Variants in WNK2 observed in about 807,000 individuals in gnomAD.
WNK2 encodes the protein WNK lysine deficient protein kinase 2.
WNK2 carries 67 observed loss-of-function variants against 192.1 expected under a neutral mutation model. The ratio of observed to expected loss-of-function variants is 0.35; its 90% CI spans 0.29 to 0.43. The LOEUF (loss-of-function observed/expected upper bound fraction) is 0.43. Among genes scored for constraint, WNK2 ranks in the 20% least tolerant of loss-of-function variants. The pLI, the probability that WNK2 is intolerant of heterozygous loss-of-function variation, is 1.00. For synonymous variants in WNK2, 1,439 were observed against 1,393.9 expected (o/e 1.03, Z -0.72); for missense variants, 2,698 against 3,089.7 (o/e 0.87, Z 3.01).
chr9:93,299,995 G>A (rs1388151058), intron 25 of WNK2, 56 bp from the exon 26 acceptor site: 3 of 1,477,754 alleles, frequency 2.0e-6, no homozygotes, highest in Non-Finnish European at 1.9e-6. Context: ...AGGAATCGCA[G>A]CAACCTGTAC....
At chr9:93,319,510 G>A in intron 29 of WNK2, 2 of 687,462 alleles carry the variant, frequency 2.9e-6, no homozygotes, top group Non-Finnish European at 3.6e-6. Flanking sequence ...CTCTGCACCT[G>A]ATTACACTTA....
At chr9:93,199,820 A>T (rs1831988892) in intron 2 of WNK2, among the ~76,000 whole-genome samples, 2 of 146,918 alleles carry the variant, frequency 1.4e-5, no homozygotes, top group South Asian at 4.3e-4. Flanking sequence ...AATGGCGTGA[A>T]CCTGGGAGGC....
At chr9:93,250,404 C>G (rs2132578467) in intron 8 of WNK2, among the ~76,000 whole-genome samples, 1 of 152,242 alleles carries the variant, frequency 6.6e-6, no homozygotes, top group East Asian at 1.9e-4. Context: ...CACATGCACA[C>G]TGACATCCAC....
At chr9:93,234,709 A>T in intron 4 of WNK2, 99 bp from the exon 5 acceptor site, 1 of 1,391,330 alleles carries the variant, frequency 7.2e-7, no homozygotes, top group Non-Finnish European at 9.8e-7. Context: ...TGTGGAGGGG[A>T]CATGGGGTTC....
At chr9:93,233,380 A>G (rs768900050) in intron 4 of WNK2, among the ~76,000 whole-genome samples, 2 of 151,976 alleles carry the variant, frequency 1.3e-5, no homozygotes, top group Non-Finnish European at 2.9e-5. Flanking sequence ...TCTTGTCCCA[A>G]TTTTTATCCA....
At chr9:93,207,451 C>T (rs1467016593) in intron 2 of WNK2, among the ~76,000 whole-genome samples, 1 of 152,214 alleles carries the variant, frequency 6.6e-6, no homozygotes, top group Non-Finnish European at 1.5e-5. Context: ...GGTCAGCATG[C>T]AGTAGGTGTC....
At chr9:93,209,003 CATT>C (rs1833990653) in intron 2 of WNK2, among the ~76,000 whole-genome samples, 1 of 152,134 alleles carries the variant, frequency 6.6e-6, no homozygotes, top group South Asian at 2.1e-4. Context: ...AGAGCAGCCT[CATT>C]GTTGAGATTT....
At chr9:93,227,088 C>T (rs959948971) in intron 2 of WNK2, among the ~76,000 whole-genome samples, 1 of 151,614 alleles carries the variant, frequency 6.6e-6, no homozygotes, top group African/African-American at 2.4e-5. Flanking sequence ...CCACTGTTCC[C>T]CAGCCTCCCA....
intron 2 of WNK2, among the ~76,000 whole-genome samples, chr9:93,202,322 GCAC>G (rs1832529406): frequency 6.9e-6 from 1 of 145,562 alleles, no homozygotes; most frequent in African/African-American, 2.6e-5. Context: ...GGCTCCGTGT[GCAC>G]GTGTGTGTGT....
chr9:93,261,079 T>C (rs1844152113), intron 12 of WNK2, among the ~76,000 whole-genome samples: 1 of 152,088 alleles, frequency 6.6e-6, no homozygotes, highest in South Asian at 2.1e-4. Flanking sequence ...AGCTGGGGTG[T>C]CTTGTCTGTC....
Position 93,299,251 on chromosome 9 carries a change from G to A in WNK2, c.6105G>A (p.Ala2035=), listed in dbSNP as rs374801876. ...CSGLASDGGG[A]RGQGWTVYHP... The stretch of plus-strand genomic sequence containing the variant: ...GCTTAGCCAGTGATGGAGGCGGAGC[G>A]CGTGGCCAAGGTGATTTCCAGCTTG... Residue 2035 remains alanine (A), a synonymous_variant, in exon 25 of 30, where the codon GCG becomes GCA. Transcript: ENST00000427277. 1.2e-5 allele frequency: 19 copies of A among 1,566,824 alleles called. No homozygotes were observed. The highest frequency in any genetic ancestry group is 5.3e-5 in the Admixed American group (3 of 56,352).
chr9:93,190,449 G>A (rs1398802359), intron 2 of WNK2, among the ~76,000 whole-genome samples: 2 of 152,364 alleles, frequency 1.3e-5, no homozygotes, highest in Non-Finnish European at 2.9e-5. Context: ...CATGGGACTC[G>A]AGCGTACCTG....
rs1848968880 is a variant in WNK2 at position 93,289,431 on chromosome 9, G to T, written c.4677G>T (p.Leu1559=). ...IKSLDEKLRT[L]LYQEHVPTSS... ...GCCTGGACGAGAAGCTGCGGACTCT[G>T]CTCTACCAGGAGCACGTGCCCACCT... The change falls in exon 20 of 30, where the codon CTG becomes CTT. Residue 1559 remains leucine, a synonymous_variant. Coordinates refer to ENST00000427277, the MANE Select transcript of WNK2 (RefSeq NM_006648.4). 6.2e-7 allele frequency: 1 copy of T among 1,612,880 alleles called. No individual in the cohort carries two copies. Among genetic ancestry groups the T allele is most frequent in the Non-Finnish European group, 8.5e-7 (1 of 1,179,748 alleles).
intron 21 of WNK2, among the ~76,000 whole-genome samples, chr9:93,291,568 A>G (rs1849357632): frequency 6.6e-6 from 1 of 152,130 alleles, no homozygotes; most frequent in Non-Finnish European, 1.5e-5. Flanking sequence ...GGGGCTCCTT[A>G]GGAATCTGAT....
rs1854135016 is a variant in WNK2, at chr9:93,314,008, C to T, written c.6517-3512C>T. On this transcript the variant is annotated intron_variant, in intron 28 of 29. Transcript: ENST00000427277. ...CTGGGCTGCTGGGTGCAGTGGCTCA[C>T]GCTTGTAATCCCAGCACTTTGGGAG... Among the ~76,000 whole-genome samples the T allele has an allele frequency of 5.3e-5, 8 of 151,938 alleles. No homozygotes were observed. In the South Asian group the frequency reaches 1.5e-3, roughly 28 times the overall value.
At chr9:93,230,750 T>C in intron 3 of WNK2, 138 bp from the exon 4 acceptor site, 1 of 826,716 alleles carries the variant, frequency 1.2e-6, no homozygotes, top group Non-Finnish European at 1.9e-6. Flanking sequence ...CCGTCTCACC[T>C]TCACTACCTG....
intron 4 of WNK2, among the ~76,000 whole-genome samples, chr9:93,234,265 G>A (rs906153804): frequency 1.3e-5 from 2 of 152,178 alleles, no homozygotes; most frequent in Admixed American, 6.5e-5. Flanking sequence ...CCTCATTCAG[G>A]GACACTGTCT....
At chr9:93,299,339 G>A (rs886335953) in intron 25 of WNK2, 78 bp downstream of exon 25, 4 of 1,461,618 alleles carry the variant, frequency 2.7e-6, no homozygotes, top group Non-Finnish European at 2.7e-6. Flanking sequence ...GCACGCCCGT[G>A]TTGTGTAGAG....
intron 2 of WNK2, among the ~76,000 whole-genome samples, chr9:93,198,990 G>T (rs1309619317): frequency 6.6e-6 from 1 of 152,186 alleles, no homozygotes; most frequent in East Asian, 1.9e-4. Context: ...GGCTCGGTTC[G>T]GGGTGGGTGG....
Sources: gnomAD v4.1 joint callset for allele counts (sites outside exome capture counted in the v4.1 genomes callset) on GRCh38, gnomAD v4.1.1 for gene constraint, MANE v1.5 for transcripts, NCBI Gene and HGNC (gene_info 2026-07-23, HGNC 2026-07-21) for gene names.